SRP19: variants seen among roughly 807,000 people sequenced by gnomAD.
The protein encoded by SRP19 is signal recognition particle 19, also known as signal recognition particle 19 kDa protein.
Under a neutral mutation model 22.4 loss-of-function variants are expected in SRP19, and 11 were observed. The observed-to-expected ratio is 0.49, with a 90% CI of 0.31 to 0.81. The LOEUF is 0.81. Among genes scored for constraint, SRP19 ranks in the 40% least tolerant of loss-of-function variants. The pLI is 0.05. For synonymous variants in SRP19, 61 were observed against 57.6 expected, an observed-to-expected ratio of 1.06 and a Z score of -0.27; for missense variants, 168 against 175.9, an observed-to-expected ratio of 0.96 and a Z score of 0.25.
intron 4 of SRP19, chr5:112,878,937 T>C: frequency 6.4e-7 from 1 of 1,571,198 alleles, no homozygotes; most frequent in South Asian, 1.1e-5. Context: ...ATAACAAAAC[T>C]TGGATGACTC....
downstream of SRP19, among the ~76,000 whole-genome samples, chr5:112,871,651 G>C (rs553499704): frequency 6.6e-6 from 1 of 152,020 alleles, no homozygotes; most frequent in Non-Finnish European, 1.5e-5. Flanking sequence ...CCAGCTACTC[G>C]GGAGGCTGAG....
At chr5:112,891,543 T>G in intron 4 of SRP19, 1 of 1,496,370 alleles carries the variant, frequency 6.7e-7, no homozygotes, top group East Asian at 2.5e-5. Flanking sequence ...CATAAAATAT[T>G]CATAAGTAGA....
At chr5:112,866,682 C>G (rs1253535294) in intron 4 of SRP19, among the ~76,000 whole-genome samples, 1 of 152,062 alleles carries the variant, frequency 6.6e-6, no homozygotes, top group Admixed American at 6.5e-5. Flanking sequence ...GTAGGTATTG[C>G]TAGATGCTTC....
chr5:112,873,271 C>CTTTTTTTTTTTTTTTTTT (rs35379154), downstream of SRP19, among the ~76,000 whole-genome samples: 2 of 50,720 alleles, frequency 3.9e-5, no homozygotes, highest in Non-Finnish European at 3.4e-5. Context: ...CTCAGGTTTT[C>CTTTTTTTTTTTTTTTTTT]TTTTTTTTTT....
At chr5:112,889,460 G>A (rs1045025672) in intron 4 of SRP19, among the ~76,000 whole-genome samples, 2 of 150,696 alleles carry the variant, frequency 1.3e-5, no homozygotes, top group African/African-American at 4.9e-5. Flanking sequence ...GGATGATAAA[G>A]AAGGAAAGCA....
Position 112,861,410 on chromosome 5 carries a change from C to G in SRP19, c.34C>G (p.Gln12Glu). Residue 12 changes from glutamine to glutamate, a missense_variant, in exon 1 of 5, where the codon CAG (glutamine) becomes GAG (glutamate). Transcript: ENST00000505459. ...ACAAARSPAD[Q>E]DRFICIYPAY... ...CGCTGCCGCGCGGTCCCCGGCCGAC[C>G]AGGACAGGTGGGTTCTGAGGCGGTG... The G allele has an allele frequency of 6.2e-7, 1 of 1,614,080 alleles. No homozygotes were observed. The highest frequency in any genetic ancestry group is 8.5e-7 in the Non-Finnish European group (1 of 1,180,002).
chr5:112,875,813 G>A (rs530623498), intron 4 of SRP19, among the ~76,000 whole-genome samples: 2 of 151,864 alleles, frequency 1.3e-5, no homozygotes, highest in Non-Finnish European at 3.0e-5. Context: ...TTGGGAGGCC[G>A]AGGCGGGTGG....
chr5:112,862,550 C>A lies in SRP19; in HGVS notation c.84C>A (p.Thr28=), dbSNP rs758917167. ...CTGCTTATTTAAATAATAAGAAGAC[C>A]ATCGCAGAGGGAAGGCGAATCCCCA... ...IYPAYLNNKK[T]IAEGRRIPIS... The change falls in exon 2 of 5, where the codon ACC becomes ACA. Residue 28 remains threonine, a synonymous_variant. Transcript: ENST00000505459. The A allele has an allele frequency of 5.0e-6, 8 of 1,613,846 alleles. No individual in the cohort carries two copies. In the East Asian group the frequency reaches 1.8e-4, roughly 36 times the overall value.
At chr5:112,889,255 G>C (rs456313) in intron 4 of SRP19, among the ~76,000 whole-genome samples, 63,401 of 150,226 alleles carry the variant, frequency 0.42, 15,949 homozygotes, top group African/African-American at 0.67. Flanking sequence ...ACAAAACCCA[G>C]ACACTATAGG....
downstream of SRP19, among the ~76,000 whole-genome samples, chr5:112,870,994 A>G (rs1767745861): frequency 6.6e-6 from 1 of 152,134 alleles, no homozygotes. Flanking sequence ...CTGGGATTAC[A>G]AGTGCCTGCC....
intron 4 of SRP19, chr5:112,876,439 A>G (rs1561643422): frequency 6.6e-6 from 1 of 152,234 alleles, no homozygotes; most frequent in Non-Finnish European, 1.5e-5. Flanking sequence ...AGTGTATCAC[A>G]TCTTCAGGAT....
chr5:112,890,643 GCTGGGATTAC>G (rs2150038450), intron 4 of SRP19, among the ~76,000 whole-genome samples: 1 of 150,630 alleles, frequency 6.6e-6, no homozygotes, highest in Admixed American at 6.6e-5. Flanking sequence ...CTCCTAAAGT[GCTGGGATTAC>G]AGGTGTGAGC....
intron 4 of SRP19, chr5:112,876,489 C>T (rs1253264607): frequency 1.3e-5 from 2 of 152,212 alleles, no homozygotes; most frequent in Non-Finnish European, 2.9e-5. Flanking sequence ...TTTTCTTCAG[C>T]TGTGAGTAGA....
In SRP19 at chr5:112,861,408, A is replaced by G. The variant is rs1173797964; in HGVS notation, c.32A>G (p.Asp11Gly). 1 of 1,614,084 alleles carries G rather than the reference A, an allele frequency of 6.2e-7. No individual in the cohort carries two copies. Residue 11 changes from aspartate to glycine, a missense_variant, in exon 1 of 5, where the codon GAC becomes GGC. Physicochemically the swap from Asp to Gly is moderately conservative, Grantham distance 94. Transcript: ENST00000505459. MACAAARSPA[D>G]QDRFICIYPA... The stretch of plus-strand genomic sequence containing the variant: ...TGCGCTGCCGCGCGGTCCCCGGCCG[A>G]CCAGGACAGGTGGGTTCTGAGGCGG...
exon 5 of SRP19, chr5:112,892,023 G>T: frequency 7.6e-7 from 1 of 1,312,008 alleles, no homozygotes; most frequent in East Asian, 2.3e-5. Context: ...AAGAGGAGGA[G>T]CAGAAACAAC....
intron 4 of SRP19, among the ~76,000 whole-genome samples, chr5:112,879,525 G>A (rs544154005): frequency 5.9e-5 from 9 of 152,270 alleles, no homozygotes; most frequent in East Asian, 1.9e-4. Flanking sequence ...CCAGCCTGGA[G>A]TGCAGTGGCG....
intron 4 of SRP19, chr5:112,885,348 G>A: frequency 5.7e-6 from 1 of 175,546 alleles, no homozygotes; most frequent in Non-Finnish European, 1.2e-5. Context: ...AAAAACTTTT[G>A]CTAGAAAATC....
chr5:112,861,304 CAG>C lies in SRP19; in HGVS notation c.-70_-69del, dbSNP rs1767382554. On this transcript the variant is annotated 5_prime_UTR_variant, in exon 1 of 5. Transcript: ENST00000505459. Reference sequence around the variant, plus strand: ...GGAAAAGCGGGCTGTCTCGGAAACTCAGAGCCGGGTTCCTCCCGGGTTTCTGC... The same window carrying C: ...GGAAAAGCGGGCTGTCTCGGAAACTCAGCCGGGTTCCTCCCGGGTTTCTGC... 6 of 1,579,496 alleles carry C rather than the reference CAG, an allele frequency of 3.8e-6. No homozygotes were observed. The highest frequency in any genetic ancestry group is 1.7e-4 in the Middle Eastern group (1 of 5,954).
intron 4 of SRP19, among the ~76,000 whole-genome samples, chr5:112,876,070 A>G (rs1767887665): frequency 6.6e-6 from 1 of 152,100 alleles, no homozygotes; most frequent in Non-Finnish European, 1.5e-5. Context: ...AGATGCATGC[A>G]ATACACTATC....
Sources: allele counts gnomAD v4.1 joint callset (sites outside exome capture counted in the v4.1 genomes callset), GRCh38; gene constraint gnomAD v4.1.1; transcripts MANE v1.5; gene names NCBI Gene and HGNC (gene_info 2026-07-23, HGNC 2026-07-21).